The following STAU2 variants were observed in gnomAD, a reference collection of about 807,000 sequenced individuals.
STAU2 encodes the protein double-stranded RNA-binding protein Staufen homolog 2.
In STAU2, 20 loss-of-function variants were observed where a neutral mutation model predicts 65.9. The ratio of observed to expected loss-of-function variants is 0.30; its 90% CI spans 0.21 to 0.44. STAU2 has a LOEUF of 0.44. Ranked by LOEUF, STAU2 falls within the 20% of genes least tolerant of loss-of-function variation. The pLI is 1.00. For missense variants in STAU2, 558 were observed against 683.9 expected (o/e 0.82, Z 2.05); for synonymous variants, 232 against 233.9 (o/e 0.99, Z 0.07).
chr8:73,550,363 C>T (rs1467352546), intron 13 of STAU2: 1 of 983,792 alleles, frequency 1.0e-6, no homozygotes, highest in Non-Finnish European at 1.2e-6. Flanking sequence ...TTGCCAAGAG[C>T]TTAGAAATAA....
chr8:73,658,342 T>G (rs1213850798), intron 6 of STAU2, among the ~76,000 whole-genome samples: 1 of 152,124 alleles, frequency 6.6e-6, no homozygotes, highest in Non-Finnish European at 1.5e-5. Context: ...CATTCCAGCC[T>G]GGGCAACAGA....
chr8:73,464,503 A>G (rs914364429), intron 13 of STAU2, among the ~76,000 whole-genome samples: 1 of 152,234 alleles, frequency 6.6e-6, no homozygotes, highest in African/African-American at 2.4e-5. Flanking sequence ...GAAGCAAAGG[A>G]GGCAGCTCCA....
upstream of STAU2, chr8:73,747,178 G>A: frequency 1.9e-6 from 1 of 536,926 alleles, no homozygotes; most frequent in Non-Finnish European, 3.1e-6. Context: ...CATTCCCGGG[G>A]GGCTTGGGCA....
At chr8:73,582,746 G>C (rs1404356468) in intron 12 of STAU2, 24 bp downstream of exon 12, 2 of 1,611,398 alleles carry the variant, frequency 1.2e-6, no homozygotes, top group Non-Finnish European at 1.7e-6. Context: ...ACCAAGTGCA[G>C]ACAACATAAA....
intron 11 of STAU2, among the ~76,000 whole-genome samples, chr8:73,593,036 T>C (rs1810936620): frequency 6.6e-6 from 1 of 152,178 alleles, no homozygotes; most frequent in African/African-American, 2.4e-5. Context: ...TTTCCTCCTC[T>C]TTTTTCCTGT....
intron 12 of STAU2, among the ~76,000 whole-genome samples, chr8:73,555,407 T>C (rs1439415732): frequency 6.6e-6 from 1 of 152,150 alleles, no homozygotes; most frequent in Non-Finnish European, 1.5e-5. Flanking sequence ...CCTGATGCCA[T>C]TAAGTATAAA....
chr8:73,701,176 A>T (rs1409631780), intron 4 of STAU2, among the ~76,000 whole-genome samples: 1 of 152,156 alleles, frequency 6.6e-6, no homozygotes, highest in East Asian at 1.9e-4. Context: ...AAACTATTAC[A>T]AGACGACATT....
intron 13 of STAU2, among the ~76,000 whole-genome samples, chr8:73,524,254 G>A (rs1272435740): frequency 6.6e-6 from 1 of 152,132 alleles, no homozygotes; most frequent in African/African-American, 2.4e-5. Context: ...GGGACTAGGG[G>A]TTCAAGGAAA....
chr8:73,645,772 G>C (rs1815324528), intron 6 of STAU2, among the ~76,000 whole-genome samples: 1 of 152,134 alleles, frequency 6.6e-6, no homozygotes. Flanking sequence ...AAGGCAAAGG[G>C]GAAGCAGGCA....
chr8:73,736,622 T>C (rs752601977), intron 3 of STAU2, among the ~76,000 whole-genome samples: 1 of 152,126 alleles, frequency 6.6e-6, no homozygotes, highest in African/African-American at 2.4e-5. Flanking sequence ...ATCTAGGAAC[T>C]GAAACGGTCC....
At chr8:73,545,542 T>C (rs915970595) in intron 13 of STAU2, among the ~76,000 whole-genome samples, 2 of 152,078 alleles carry the variant, frequency 1.3e-5, no homozygotes, top group Non-Finnish European at 1.5e-5. Flanking sequence ...ACTAATATGA[T>C]GTTTGATGTA....
intron 3 of STAU2, among the ~76,000 whole-genome samples, chr8:73,721,226 G>T (rs1044848035): frequency 7.1e-6 from 1 of 140,510 alleles, no homozygotes; most frequent in African/African-American, 2.7e-5. Flanking sequence ...GGAGGTCAAG[G>T]CTGCAGTCAG....
chr8:73,683,306 T>G (rs555100381), intron 5 of STAU2, among the ~76,000 whole-genome samples: 1 of 152,144 alleles, frequency 6.6e-6, no homozygotes, highest in Non-Finnish European at 1.5e-5. Context: ...AGGGATAGTT[T>G]AACGTCCACA....
intron 3 of STAU2, among the ~76,000 whole-genome samples, chr8:73,735,174 T>C (rs2130766313): frequency 6.6e-6 from 1 of 152,300 alleles, no homozygotes; most frequent in South Asian, 2.1e-4. Context: ...CAAGCAATCC[T>C]CCTGCTTCAG....
chr8:73,550,218 T>C (rs753612751), intron 13 of STAU2: 74 of 985,158 alleles, frequency 7.5e-5, no homozygotes, highest in Admixed American at 1.2e-4. Context: ...TTTGGAAACA[T>C]ATAACGTGTC....
chr8:73,621,477 G>A (rs1813229633), intron 6 of STAU2, among the ~76,000 whole-genome samples: 1 of 152,154 alleles, frequency 6.6e-6, no homozygotes, highest in South Asian at 2.1e-4. Flanking sequence ...GGTATAATAA[G>A]TGATGTACAT....
At chr8:73,495,662 AAT>A (rs3032943) in intron 13 of STAU2, among the ~76,000 whole-genome samples, 30,551 of 132,266 alleles carry the variant, frequency 0.23, 3,751 homozygotes, top group Middle Eastern at 0.3. Flanking sequence ...CATAAAGCCA[AAT>A]ATATATATAT....
At chr8:73,493,699 C>T (rs1283592858) in intron 13 of STAU2, among the ~76,000 whole-genome samples, 1 of 151,552 alleles carries the variant, frequency 6.6e-6, no homozygotes, top group African/African-American at 2.4e-5. Context: ...GTGTCTTATA[C>T]AAAACACACA....
At chr8:73,543,767 T>C (rs931205809) in intron 13 of STAU2, among the ~76,000 whole-genome samples, 2 of 152,194 alleles carry the variant, frequency 1.3e-5, no homozygotes, top group African/African-American at 2.4e-5. Context: ...CATGAATAAA[T>C]GAATCCCTTA....
Sources: gnomAD v4.1 joint callset for allele counts (sites outside exome capture counted in the v4.1 genomes callset) on GRCh38, gnomAD v4.1.1 for gene constraint, MANE v1.5 for transcripts, NCBI Gene and HGNC (gene_info 2026-07-23, HGNC 2026-07-21) for gene names.